The following CSMD1 variants were observed in gnomAD, a reference collection of about 807,000 sequenced individuals.
CSMD1 encodes the protein CUB and Sushi multiple domains 1.
CSMD1 carries 213 observed loss-of-function variants against 417.5 expected under a neutral mutation model. That is an observed-to-expected ratio of 0.51 (90% CI 0.46 to 0.57). The LOEUF is 0.57. Among genes scored for constraint, CSMD1 ranks in the 20% least tolerant of loss-of-function variants. The probability of loss-of-function intolerance (pLI) is 0.00; values close to 1 mark genes in which losing one functional copy is unlikely to be tolerated. For missense variants in CSMD1, 6,923 were observed against 4,529.7 expected (o/e 1.53, Z -15.17); for synonymous variants, 2,862 against 1,736.8 (o/e 1.65, Z -16.11).
At chr8:3,559,862 A>G (rs1376119203) in intron 10 of CSMD1, among the ~76,000 whole-genome samples, 2 of 152,192 alleles carry the variant, frequency 1.3e-5, no homozygotes, top group African/African-American at 4.8e-5. Flanking sequence ...AGGCCCCTAG[A>G]GTGGACACAG....
At chr8:3,540,001 C>T (rs1798370831) in intron 10 of CSMD1, among the ~76,000 whole-genome samples, 1 of 152,156 alleles carries the variant, frequency 6.6e-6, no homozygotes, top group South Asian at 2.1e-4. Flanking sequence ...ATATTTGCAT[C>T]TCCAGTAAAA....
rs576082192 is a variant in CSMD1 at position 3,282,844 on chromosome 8, C to G, written c.4153+1300G>C. 3.2e-4 allele frequency among the ~76,000 whole-genome samples: 48 copies of G among 152,238 alleles called. No homozygotes were observed. In the South Asian group the frequency reaches 9.3e-3, roughly 30 times the overall value. On this transcript the variant is annotated intron_variant, in intron 26 of 69. Coordinates refer to ENST00000635120, the MANE Select transcript of CSMD1 (RefSeq NM_033225.6). Reference sequence around the variant, plus strand: ...CCTAACTCAATTTTCTTATGTAAATCCTAAATATGACTTGTCAGTGAGCTG... The same window carrying G: ...CCTAACTCAATTTTCTTATGTAAATGCTAAATATGACTTGTCAGTGAGCTG...
intron 2 of CSMD1, among the ~76,000 whole-genome samples, chr8:4,501,351 G>T (rs1245397395): frequency 6.6e-6 from 1 of 152,028 alleles, no homozygotes; most frequent in Non-Finnish European, 1.5e-5. Flanking sequence ...CTCATTTAAG[G>T]TATTCTTTTT....
At chr8:3,482,585 C>A (rs931495796) in intron 11 of CSMD1, among the ~76,000 whole-genome samples, 3 of 152,164 alleles carry the variant, frequency 2.0e-5, no homozygotes, top group Admixed American at 1.3e-4. Flanking sequence ...AACTTTAGCA[C>A]CCTTAGCAAA....
chr8:4,595,651 C>A (rs894619458), intron 2 of CSMD1, among the ~76,000 whole-genome samples: 1 of 152,084 alleles, frequency 6.6e-6, no homozygotes, highest in Non-Finnish European at 1.5e-5. Context: ...TCTGTAGTCC[C>A]AGCTACTGGG....
chr8:3,801,231 G>T (rs1047179824), intron 5 of CSMD1, among the ~76,000 whole-genome samples: 1 of 151,136 alleles, frequency 6.6e-6, no homozygotes, highest in Non-Finnish European at 1.5e-5. Flanking sequence ...CTAATAACCA[G>T]AATATATAGA....
intron 11 of CSMD1, among the ~76,000 whole-genome samples, chr8:3,486,111 C>A (rs1818016528): frequency 6.6e-6 from 1 of 152,150 alleles, no homozygotes; most frequent in African/African-American, 2.4e-5. Flanking sequence ...AATGACAGTT[C>A]AATCTCCTCT....
At chr8:3,498,401 G>C (rs1418961225) in intron 10 of CSMD1, among the ~76,000 whole-genome samples, 3 of 151,812 alleles carry the variant, frequency 2.0e-5, no homozygotes, top group African/African-American at 7.3e-5. Context: ...CTTTTTCTTG[G>C]GAAAATTACA....
intron 49 of CSMD1, among the ~76,000 whole-genome samples, chr8:3,085,689 G>T (rs763799841): frequency 2.6e-4 from 40 of 152,276 alleles, no homozygotes; most frequent in Admixed American, 5.2e-4. Flanking sequence ...GGAGAAGAAA[G>T]AAGTCAAGAC....
At chr8:3,659,424 G>A (rs961512030) in intron 7 of CSMD1, among the ~76,000 whole-genome samples, 21 of 152,284 alleles carry the variant, frequency 1.4e-4, no homozygotes, top group Non-Finnish European at 1.5e-4. Context: ...TAGAATCATT[G>A]TATAATTATC....
chr8:4,361,823 G>A (rs902794812), intron 3 of CSMD1, among the ~76,000 whole-genome samples: 4 of 151,950 alleles, frequency 2.6e-5, no homozygotes, highest in East Asian at 1.9e-4. Flanking sequence ...GGCGTGGTGC[G>A]GGGCGCCTGT....
At chr8:4,420,239 C>G (rs915708521) in intron 2 of CSMD1, among the ~76,000 whole-genome samples, 174 bp from the exon 3 acceptor site, 4 of 152,072 alleles carry the variant, frequency 2.6e-5, no homozygotes, top group Admixed American at 2.6e-4. Flanking sequence ...TGAAATTAAA[C>G]ATTTTCAAGT....
At chr8:3,481,650 C>T (rs978830210) in intron 11 of CSMD1, among the ~76,000 whole-genome samples, 5 of 152,142 alleles carry the variant, frequency 3.3e-5, no homozygotes, top group African/African-American at 9.7e-5. Flanking sequence ...CCCTAAATGC[C>T]ACCACTAGTA....
At chr8:4,127,884 G>A (rs377570131) in intron 3 of CSMD1, among the ~76,000 whole-genome samples, 3 of 152,212 alleles carry the variant, frequency 2.0e-5, no homozygotes, top group East Asian at 3.9e-4. Context: ...CCAGCAAATG[G>A]TGAAGGCAGA....
At chr8:4,696,902 A>C (rs928320766) in intron 1 of CSMD1, among the ~76,000 whole-genome samples, 1 of 152,214 alleles carries the variant, frequency 6.6e-6, no homozygotes, top group African/African-American at 2.4e-5. Flanking sequence ...GGCCAGGTTC[A>C]GTGGCTCATT....
chr8:4,965,376 C>T (rs1244563341), intron 1 of CSMD1, among the ~76,000 whole-genome samples: 1 of 152,126 alleles, frequency 6.6e-6, no homozygotes, highest in East Asian at 1.9e-4. Context: ...ACACAAGGTC[C>T]CCCTATCTGA....
intron 26 of CSMD1, among the ~76,000 whole-genome samples, chr8:3,271,523 GA>G (rs1801853780): frequency 6.8e-6 from 1 of 147,826 alleles, no homozygotes; most frequent in South Asian, 2.2e-4. Flanking sequence ...CACAATGGTT[GA>G]ACTAGTTTAT....
chr8:3,284,188 C>G lies in CSMD1; in HGVS notation c.4109G>C (p.Ser1370Thr). 6.3e-7 allele frequency: 1 copy of G among 1,597,614 alleles called. No homozygotes were observed. The highest frequency in any genetic ancestry group is 1.1e-5 in the South Asian group (1 of 88,574). ...TFNSLTLQFD[S>T]DFFISKSGFS... The stretch of plus-strand genomic sequence containing the variant: ...GCCAGACTTGCTGATGAAGAAGTCG[C>G]TGTCGAACTGCAGGGTGAGTGAGTT... The change falls in exon 26 of 70, where the codon AGC (serine) becomes ACC (threonine). Residue 1370 changes from serine to threonine, a missense_variant. Coordinates refer to ENST00000635120, the MANE Select transcript of CSMD1 (RefSeq NM_033225.6).
At chr8:4,100,049 G>A (rs996492015) in intron 3 of CSMD1, among the ~76,000 whole-genome samples, 1 of 152,096 alleles carries the variant, frequency 6.6e-6, no homozygotes, top group African/African-American at 2.4e-5. Context: ...AATAACGTGA[G>A]CATGCACTTT....
Sources: allele counts gnomAD v4.1 joint callset (sites outside exome capture counted in the v4.1 genomes callset), GRCh38; gene constraint gnomAD v4.1.1; transcripts MANE v1.5; gene names NCBI Gene and HGNC (gene_info 2026-07-23, HGNC 2026-07-21).